The following ARHGEF16 variants were observed in gnomAD, a reference collection of about 807,000 sequenced individuals.
ARHGEF16 encodes Rho guanine nucleotide exchange factor 16.
ARHGEF16 carries 59 observed loss-of-function variants against 74.1 expected under a neutral mutation model. The ratio of observed to expected loss-of-function variants is 0.80; its 90% CI spans 0.65 to 0.99. The LOEUF (loss-of-function observed/expected upper bound fraction) is 0.99. Ranked by LOEUF, ARHGEF16 falls within the 50% of genes least tolerant of loss-of-function variation. ARHGEF16 has a pLI of 0.00. For synonymous variants in ARHGEF16, 415 were observed against 412.6 expected (o/e 1.01, Z -0.07); for missense variants, 948 against 986.6 (o/e 0.96, Z 0.52).
intron 12 of ARHGEF16, among the ~76,000 whole-genome samples, chr1:3,479,258 G>A (rs1268510004): frequency 6.6e-6 from 1 of 152,214 alleles, no homozygotes; most frequent in African/African-American, 2.4e-5. Context: ...AGGGAGCTGG[G>A]GCCCAGTGCC....
Position 3,463,388 on chromosome 1 carries a change from C to G in ARHGEF16, c.304C>G (p.Pro102Ala). 1 of 1,550,192 alleles carries G rather than the reference C, an allele frequency of 6.5e-7. No individual in the cohort carries two copies. The highest frequency in any genetic ancestry group is 8.7e-7 in the Non-Finnish European group (1 of 1,146,896). The part of the protein sequence containing the change: ...SLAVASKAKT[P>A]ARHQSFGAAV... ...GGCTGTGGCCAGCAAGGCAAAGACCCCAGCCCGCCACCAGAGCTTCGGGGC... is the reference window on the plus strand; with the variant it reads ...GGCTGTGGCCAGCAAGGCAAAGACCGCAGCCCGCCACCAGAGCTTCGGGGC... Residue 102 changes from proline to alanine, a missense_variant, in exon 2 of 15, where the codon CCA (proline) becomes GCA (alanine). Physicochemically the swap from Pro to Ala is conservative, Grantham distance 27 (BLOSUM62 -1). Transcript: ENST00000378378.
Position 3,480,710 on chromosome 1 carries a change from G to C in ARHGEF16, c.*123G>C. 7.5e-7 allele frequency: 1 copy of C among 1,332,574 alleles called. No homozygotes were observed. 82.5% of individuals were successfully genotyped at this position (1,332,574 alleles called of 1,614,324 possible). A position where few individuals can be genotyped will look rare whatever the true frequency, so the allele number is the denominator to read the frequency against. On this transcript the variant is annotated 3_prime_UTR_variant, in exon 15 of 15. Coordinates refer to ENST00000378378, the MANE Select transcript of ARHGEF16 (RefSeq NM_014448.4). ...AGCATGGTTCCCTGGGGCTTCCCAAGAGCCTGTGGCTGTGGTGCCGGGCTC... is the reference window on the plus strand; with the variant it reads ...AGCATGGTTCCCTGGGGCTTCCCAACAGCCTGTGGCTGTGGTGCCGGGCTC...
intron 8 of ARHGEF16, 115 bp downstream of exon 8, chr1:3,473,637 A>G (rs780811422): frequency 2.6e-6 from 4 of 1,515,126 alleles, no homozygotes; most frequent in Admixed American, 1.8e-5. Flanking sequence ...GGCTTGGCCT[A>G]TGATATTGTA....
chr1:3,473,494 G>A lies in ARHGEF16; in HGVS notation c.1277G>A (p.Arg426Gln), dbSNP rs1042336374. 18 of 1,610,980 alleles carry A rather than the reference G, an allele frequency of 1.1e-5. No homozygotes were observed. Among genetic ancestry groups the A allele is most frequent in the Admixed American group, 6.7e-5 (4 of 60,000 alleles). ...MLSFLILPMQ[R>Q]VTRLPLLMDT... ...TCCTTCCTGATCCTCCCCATGCAGCGGGTGACCCGGCTGCCCCTCCTGATG... is the reference window on the plus strand; with the variant it reads ...TCCTTCCTGATCCTCCCCATGCAGCAGGTGACCCGGCTGCCCCTCCTGATG... Residue 426 changes from arginine (R) to glutamine (Q), a missense_variant, in exon 8 of 15, where the codon CGG (arginine) becomes CAG (glutamine). Physicochemically the swap from Arg to Gln is conservative, Grantham distance 43 (BLOSUM62 1). Coordinates refer to ENST00000378378, the MANE Select transcript of ARHGEF16 (RefSeq NM_014448.4).
chr1:3,476,338 T>TAG (rs954358153), intron 10 of ARHGEF16, among the ~76,000 whole-genome samples: 1 of 151,946 alleles, frequency 6.6e-6, no homozygotes, highest in East Asian at 2.0e-4. Flanking sequence ...CGGCAAAGGG[T>TAG]AGACCCTAGG....
At chr1:3,472,157 G>A (rs748895258) in intron 6 of ARHGEF16, among the ~76,000 whole-genome samples, 4 of 152,226 alleles carry the variant, frequency 2.6e-5, no homozygotes, top group Admixed American at 6.5e-5. Context: ...CTGTGGCGGC[G>A]GCCTGGAGAC....
chr1:3,479,980 C>G (rs1640011581), intron 14 of ARHGEF16, 67 bp downstream of exon 14: 2 of 1,509,964 alleles, frequency 1.3e-6, no homozygotes, highest in Admixed American at 3.4e-5. Flanking sequence ...AGCGTCCAGC[C>G]TGGCCAGGTC....
intron 1 of ARHGEF16, among the ~76,000 whole-genome samples, chr1:3,456,928 C>T (rs889512517): frequency 2.0e-5 from 3 of 152,254 alleles, no homozygotes; most frequent in African/African-American, 2.4e-5. Context: ...GCCCCCACCG[C>T]GCAGGGTGGC....
In ARHGEF16 at chr1:3,473,087, G is replaced by A; in HGVS notation, c.1032G>A (p.Glu344=). The change falls in exon 7 of 15, where the codon GAG becomes GAA. Residue 344 remains glutamate (E), a synonymous_variant. Coordinates refer to ENST00000378378, the MANE Select transcript of ARHGEF16 (RefSeq NM_014448.4). The part of the protein sequence containing the change: ...DVLGASQRFF[E]DLEQRHKAQV... ...CCCTCCTTGCCTTCAGGTTCTTCGA[G>A]GACCTGGAGCAGCGGCACAAGGCCC... is the stretch of plus-strand genomic sequence containing the variant. 6.2e-7 allele frequency: 1 copy of A among 1,612,840 alleles called. No homozygotes were observed. The highest frequency in any genetic ancestry group is 8.5e-7 in the Non-Finnish European group (1 of 1,179,688).
chr1:3,480,103 C>G (rs1640014897), intron 14 of ARHGEF16, among the ~76,000 whole-genome samples, 190 bp downstream of exon 14: 1 of 152,248 alleles, frequency 6.6e-6, no homozygotes, highest in Non-Finnish European at 1.5e-5. Context: ...TTCATGGTCA[C>G]TGTGTCCCAC....
At position 3,477,871 on chromosome 1, in the gene ARHGEF16, C is replaced by A. The variant is rs773517795; in HGVS notation, c.1474-4C>A. ...ATCTCCGCCTCCCGGCTCTGTCCCC[C>A]CAGTCCCTCCCACTGATCTCTGCCT... On this transcript the variant is annotated splice_region_variant and splice_polypyrimidine_tract_variant and intron_variant, in intron 10 of 14. Coordinates refer to ENST00000378378, the MANE Select transcript of ARHGEF16 (RefSeq NM_014448.4). 6.2e-7 allele frequency: 1 copy of A among 1,603,122 alleles called. No individual in the cohort carries two copies. Among genetic ancestry groups the A allele is most frequent in the Non-Finnish European group, 8.5e-7 (1 of 1,171,798 alleles).
At chr1:3,480,130 GTC>G (rs1640015647) in intron 14 of ARHGEF16, among the ~76,000 whole-genome samples, 1 of 152,206 alleles carries the variant, frequency 6.6e-6, no homozygotes, top group Non-Finnish European at 1.5e-5. Context: ...AGGAGGAGGT[GTC>G]TCTGCCCTCC....
chr1:3,468,185 CAG>C (rs1300922525), intron 4 of ARHGEF16, among the ~76,000 whole-genome samples: 1 of 152,186 alleles, frequency 6.6e-6, no homozygotes, highest in Non-Finnish European at 1.5e-5. Context: ...TGGTAACTGC[CAG>C]AGTTTCCGAC....
rs1639997396 is a variant in ARHGEF16, at chr1:3,479,555, G to C, written c.1853G>C (p.Ser618Thr). Residue 618 changes from serine (S) to threonine (T), a missense_variant, in exon 13 of 15, where the codon AGT (serine) becomes ACT (threonine). Transcript: ENST00000378378. ...CGGTGGATCGTGGCGCTCACACACAGTGAGAGACAGTGGCAGGGCCTCTCC... is the reference window on the plus strand; with the variant it reads ...CGGTGGATCGTGGCGCTCACACACACTGAGAGACAGTGGCAGGGCCTCTCC... Reference protein sequence around the residue: ...RARWIVALTHSERQWQGLSSK... With the variant: ...RARWIVALTHTERQWQGLSSK... 4 of 1,612,640 alleles carry C rather than the reference G, an allele frequency of 2.5e-6. No homozygotes were observed. The African/African-American group carries it at 4.0e-5, about 16-fold the overall frequency.
intron 7 of ARHGEF16, 35 bp downstream of exon 7, chr1:3,473,265 C>G (rs1163616916): frequency 2.5e-6 from 4 of 1,606,224 alleles, no homozygotes; most frequent in Non-Finnish European, 3.4e-6. Context: ...CAGGGTGGCT[C>G]AGGAGCATCC....
At chr1:3,479,611 G>A in intron 13 of ARHGEF16, 21 bp downstream of exon 13, 1 of 1,606,990 alleles carries the variant, frequency 6.2e-7, no homozygotes, top group South Asian at 1.1e-5. Flanking sequence ...GCTGGGGCCT[G>A]CAGGGCTGGC....
intron 9 of ARHGEF16, among the ~76,000 whole-genome samples, chr1:3,475,067 A>T (rs1467186451): frequency 0.012 from 1,177 of 95,522 alleles, 4 homozygotes; most frequent in African/African-American, 0.049. Flanking sequence ...TGACAGGGAA[A>T]CTGAGGCCCA....
Position 3,459,255 on chromosome 1 carries a change from C to T in ARHGEF16, c.-19-3811C>T, listed in dbSNP as rs113570936. Among the ~76,000 whole-genome samples, 997 of 152,276 alleles carry T rather than the reference C, an allele frequency of 6.5e-3. 14 individuals are homozygous for T. Among genetic ancestry groups the T allele is most frequent in the African/African-American group, 0.023 (954 of 41,552 alleles). On this transcript the variant is annotated intron_variant, in intron 1 of 14. Transcript: ENST00000378378. ...CAGAGCTCCCAGGCTCCAGCAGGTGCGCCAGACCCTCAGTGGGGCCAGGGA... is the reference window on the plus strand; with the variant it reads ...CAGAGCTCCCAGGCTCCAGCAGGTGTGCCAGACCCTCAGTGGGGCCAGGGA...
rs576182293 is a variant in ARHGEF16 at position 3,470,865 on chromosome 1, T to G, written c.1022+1272T>G. 3.9e-4 allele frequency among the ~76,000 whole-genome samples: 54 copies of G among 137,982 alleles called. 1 individual carries two copies. Among genetic ancestry groups the G allele is most frequent in the African/African-American group, 1.3e-3 (48 of 36,398 alleles). 90.5% of individuals were successfully genotyped at this position (137,982 alleles called of 152,430 possible). On this transcript the variant is annotated intron_variant, in intron 6 of 14. Coordinates refer to ENST00000378378, the MANE Select transcript of ARHGEF16 (RefSeq NM_014448.4). ...GTGTGCGTGGACAGGTGTGTGTGCG[T>G]GGGCAGGGGTGTATGTGCGTGGGTG...
Sources: allele counts gnomAD v4.1 joint callset (sites outside exome capture counted in the v4.1 genomes callset), GRCh38; gene constraint gnomAD v4.1.1; transcripts MANE v1.5; gene names NCBI Gene and HGNC (gene_info 2026-07-23, HGNC 2026-07-21).